Variants in PDE4B observed in about 807,000 individuals in gnomAD.
The protein encoded by PDE4B is phosphodiesterase 4B, also known as 3',5'-cyclic-AMP phosphodiesterase 4B.
In PDE4B, 20 loss-of-function variants were observed where a neutral mutation model predicts 82.2. That is an observed-to-expected ratio of 0.24 (90% confidence interval 0.17 to 0.35). The LOEUF (loss-of-function observed/expected upper bound fraction) is 0.35. Among genes scored for constraint, PDE4B ranks in the 10% least tolerant of loss-of-function variants. The probability of loss-of-function intolerance (pLI) is 1.00; values close to 1 mark genes in which losing one functional copy is unlikely to be tolerated. For missense variants in PDE4B, 655 were observed against 907.2 expected, an observed-to-expected ratio of 0.72 and a Z score of 3.57; for synonymous variants, 320 against 318.9, an observed-to-expected ratio of 1.00 and a Z score of -0.04.
At chr1:66,169,468 T>C (rs1363047926) in intron 3 of PDE4B, among the ~76,000 whole-genome samples, 1 of 152,238 alleles carries the variant, frequency 6.6e-6, no homozygotes, top group Non-Finnish European at 1.5e-5. Context: ...TCTTCTGTGA[T>C]GAAAAAGACC....
chr1:66,161,750 C>A (rs549528854), intron 3 of PDE4B, among the ~76,000 whole-genome samples: 84 of 152,040 alleles, frequency 5.5e-4, no homozygotes, highest in African/African-American at 1.9e-3. Context: ...CTGTGTGTCC[C>A]AGGATAAGGC....
chr1:65,891,225 G>A (rs116349984), intron 1 of PDE4B, among the ~76,000 whole-genome samples: 2,051 of 152,096 alleles, frequency 0.013, 58 homozygotes, highest in African/African-American at 0.048. Context: ...TAATTAATTA[G>A]TTAATTCAGC....
intron 3 of PDE4B, among the ~76,000 whole-genome samples, chr1:66,027,355 C>T (rs1243715684): frequency 6.6e-6 from 1 of 152,118 alleles, no homozygotes; most frequent in Non-Finnish European, 1.5e-5. Context: ...AGACTGGCCC[C>T]CATGAGTCAA....
chr1:65,981,875 T>A, intron 3 of PDE4B, among the ~76,000 whole-genome samples: 1 of 152,192 alleles, frequency 6.6e-6, no homozygotes, highest in East Asian at 1.9e-4. Context: ...GATTCTTTTC[T>A]CATAGCCCTT....
At chr1:66,006,576 G>A (rs1432115245) in intron 3 of PDE4B, among the ~76,000 whole-genome samples, 1 of 151,964 alleles carries the variant, frequency 6.6e-6, no homozygotes, top group Non-Finnish European at 1.5e-5. Flanking sequence ...TGAGTGATAT[G>A]GTTTGGCTGT....
chr1:66,362,937 A>G (rs1011342142), intron 10 of PDE4B, among the ~76,000 whole-genome samples: 1 of 152,182 alleles, frequency 6.6e-6, no homozygotes, highest in African/African-American at 2.4e-5. Flanking sequence ...TAAATTTATA[A>G]ATAGATACTT....
chr1:66,139,745 A>AAC (rs1553150714), intron 3 of PDE4B, among the ~76,000 whole-genome samples: 1 of 148,910 alleles, frequency 6.7e-6, no homozygotes, highest in African/African-American at 2.5e-5. Flanking sequence ...CAAAAAAAAA[A>AAC]AAAAAAACAA....
chr1:65,951,372 A>C (rs1342724863), intron 3 of PDE4B, among the ~76,000 whole-genome samples: 1 of 152,054 alleles, frequency 6.6e-6, no homozygotes, highest in African/African-American at 2.4e-5. Context: ...ATGATACAAA[A>C]GTAATGTAGA....
At chr1:66,174,727 G>A (rs1646899977) in intron 3 of PDE4B, among the ~76,000 whole-genome samples, 2 of 150,598 alleles carry the variant, frequency 1.3e-5, no homozygotes, top group Admixed American at 6.7e-5. Flanking sequence ...CAGCCTGTGT[G>A]ACAGAGCCAG....
intron 3 of PDE4B, among the ~76,000 whole-genome samples, chr1:66,052,937 G>A (rs535285994): frequency 5.9e-5 from 9 of 152,250 alleles, no homozygotes; most frequent in African/African-American, 1.9e-4. Flanking sequence ...CACAAAAAAA[G>A]TATTCAATAT....
At chr1:66,213,459 C>A (rs1650220333) in intron 3 of PDE4B, among the ~76,000 whole-genome samples, 2 of 152,122 alleles carry the variant, frequency 1.3e-5, no homozygotes, top group Non-Finnish European at 2.9e-5. Flanking sequence ...TTGCTACATA[C>A]CTATAGCATT....
At chr1:65,897,368 G>T (rs754088566) in intron 1 of PDE4B, among the ~76,000 whole-genome samples, 1 of 152,018 alleles carries the variant, frequency 6.6e-6, no homozygotes, top group East Asian at 1.9e-4. Context: ...CTTCCTAAAG[G>T]CATGCAATAC....
intron 8 of PDE4B, among the ~76,000 whole-genome samples, chr1:66,335,081 A>G (rs472952): frequency 0.55 from 83,688 of 152,094 alleles, 23,857 homozygotes; most frequent in East Asian, 0.8. Context: ...AAACTTTATC[A>G]TGATCATCAC....
chr1:66,113,449 CTTG>C (rs1377716520), intron 3 of PDE4B, among the ~76,000 whole-genome samples: 2 of 151,990 alleles, frequency 1.3e-5, no homozygotes, highest in Non-Finnish European at 2.9e-5. Flanking sequence ...AATACAAGAT[CTTG>C]TTATTTTCAT....
chr1:65,889,654 T>A (rs1472538224), intron 1 of PDE4B, among the ~76,000 whole-genome samples: 3 of 152,182 alleles, frequency 2.0e-5, no homozygotes, highest in Non-Finnish European at 4.4e-5. Flanking sequence ...TAACTCAACA[T>A]CTGTCTGAGA....
Position 66,368,768 on chromosome 1 carries a change from CA to C in PDE4B, c.1663-15del. On this transcript the variant is annotated intron_variant, in intron 15 of 16. Coordinates refer to ENST00000341517, the MANE Select transcript of PDE4B (RefSeq NM_002600.4). ...TTTACACCTAATTTTATGAGATTTC[CA>C]AAACTTGATGATTTCAGGTCCTTCG... 6.7e-7 allele frequency: 1 copy of C among 1,490,752 alleles called. No individual in the cohort carries two copies. Among genetic ancestry groups the C allele is most frequent in the Non-Finnish European group, 9.0e-7 (1 of 1,110,740 alleles). 92.3% of individuals were successfully genotyped at this position (1,490,752 alleles called of 1,614,324 possible).
intron 3 of PDE4B, among the ~76,000 whole-genome samples, chr1:66,020,852 A>G (rs551022824): frequency 6.6e-6 from 1 of 152,304 alleles, no homozygotes; most frequent in South Asian, 2.1e-4. Flanking sequence ...GGCTGGGTCA[A>G]ATGGTATTTC....
intron 3 of PDE4B, among the ~76,000 whole-genome samples, chr1:66,012,480 G>C (rs1652540830): frequency 6.6e-6 from 1 of 152,060 alleles, no homozygotes; most frequent in African/African-American, 2.4e-5. Context: ...TAACACTTGA[G>C]TTTAATGGTT....
chr1:65,887,263 C>CT (rs1486577998), intron 1 of PDE4B, among the ~76,000 whole-genome samples: 1 of 54,722 alleles, frequency 1.8e-5, no homozygotes, highest in African/African-American at 7.3e-5. Flanking sequence ...TTCTTTCTTT[C>CT]CTTCCTTCTT....
Sources: gnomAD v4.1 joint callset for allele counts (sites outside exome capture counted in the v4.1 genomes callset) on GRCh38, gnomAD v4.1.1 for gene constraint, MANE v1.5 for transcripts, NCBI Gene and HGNC (gene_info 2026-07-23, HGNC 2026-07-21) for gene names.